SIPA1L3: variants seen among roughly 807,000 people sequenced by gnomAD.
SIPA1L3 encodes the protein signal induced proliferation associated 1 like 3, also known as signal-induced proliferation-associated 1-like protein 3.
A neutral mutation model predicts 150.1 loss-of-function variants in SIPA1L3; 59 were observed. That is an observed-to-expected ratio of 0.39 (90% CI 0.32 to 0.49). The LOEUF is 0.49. SIPA1L3 is among the 20% of genes least tolerant of loss of function. SIPA1L3 has a pLI of 0.86. For synonymous variants in SIPA1L3, 1,070 were observed against 1,077.6 expected, an observed-to-expected ratio of 0.99 and a Z score of 0.14; for missense variants, 2,211 against 2,489.5, an observed-to-expected ratio of 0.89 and a Z score of 2.38.
intron 6 of SIPA1L3, 52 bp from the exon 7 acceptor site, chr19:38,106,485 C>G: frequency 1.6e-6 from 2 of 1,272,800 alleles, no homozygotes; most frequent in Non-Finnish European, 2.3e-6. Flanking sequence ...TGGGATATGG[C>G]AAAAACCCAG....
chr19:38,139,026 T>C (rs1417881562), intron 10 of SIPA1L3, among the ~76,000 whole-genome samples: 1 of 151,406 alleles, frequency 6.6e-6, no homozygotes, highest in Non-Finnish European at 1.5e-5. Context: ...TGAAATGCCA[T>C]CTCTACTAAA....
Position 38,204,186 on chromosome 19 carries a change from A to T in SIPA1L3, c.5180A>T (p.Gln1727Leu), listed in dbSNP as rs1973153522. ...KVYQLEVMLK[Q>L]LHTDLQKEKQ... ...TACCAGCTGGAGGTGATGCTGAAAC[A>T]GCTGCACACTGACCTGCAGAAGGTA... The change falls in exon 21 of 22, where the codon CAG (glutamine) becomes CTG (leucine). Residue 1727 changes from glutamine (Q) to leucine (L), a missense_variant. Gln to Leu is a moderately radical substitution (Grantham distance 113). This residue lies in a region of SIPA1L3 where 63 missense variants were observed against 106.1 expected (regional missense o/e 0.59). Transcript: ENST00000222345. The T allele has an allele frequency of 6.4e-7, 1 of 1,557,696 alleles. No homozygotes were observed. The highest frequency in any genetic ancestry group is 8.7e-7 in the Non-Finnish European group (1 of 1,150,110).
chr19:38,039,245 T>C (rs1331189175), intron 2 of SIPA1L3, among the ~76,000 whole-genome samples: 1 of 152,122 alleles, frequency 6.6e-6, no homozygotes, highest in South Asian at 2.1e-4. Flanking sequence ...AAAGGACCCA[T>C]AATGCCCCAA....
intron 15 of SIPA1L3, 151 bp from the exon 16 acceptor site, chr19:38,182,368 T>C: frequency 1.5e-6 from 1 of 655,278 alleles, no homozygotes; most frequent in Non-Finnish European, 2.7e-6. Flanking sequence ...TAGGCGTCTA[T>C]ACTGTTGGAA....
chr19:37,995,569 G>A (rs1426842149), intron 1 of SIPA1L3, among the ~76,000 whole-genome samples: 2 of 152,188 alleles, frequency 1.3e-5, no homozygotes. Flanking sequence ...CCATCAGGGA[G>A]AACTGTGAAG....
At chr19:38,154,153 T>A (rs560179336) in intron 13 of SIPA1L3, among the ~76,000 whole-genome samples, 1 of 152,322 alleles carries the variant, frequency 6.6e-6, no homozygotes, top group African/African-American at 2.4e-5. Context: ...CTATTTTGTG[T>A]ATGTGTGTCT....
intron 2 of SIPA1L3, among the ~76,000 whole-genome samples, chr19:38,053,542 C>T (rs1969246895): frequency 6.6e-6 from 1 of 151,952 alleles, no homozygotes; most frequent in Non-Finnish European, 1.5e-5. Flanking sequence ...TCTTCACAGT[C>T]ACCCTATGAA....
At chr19:38,004,373 G>C (rs1967884538) in intron 1 of SIPA1L3, among the ~76,000 whole-genome samples, 1 of 152,212 alleles carries the variant, frequency 6.6e-6, no homozygotes, top group Non-Finnish European at 1.5e-5. Context: ...AACTCAAATA[G>C]ACATAAATTT....
At chr19:37,913,046 T>C (rs973306280) in intron 1 of SIPA1L3, among the ~76,000 whole-genome samples, 7 of 152,110 alleles carry the variant, frequency 4.6e-5, no homozygotes, top group African/African-American at 1.7e-4. Flanking sequence ...GGTTGGAAGG[T>C]GGCTTAGGTG....
chr19:38,075,381 G>A (rs112898375), intron 2 of SIPA1L3, among the ~76,000 whole-genome samples: 1 of 152,000 alleles, frequency 6.6e-6, no homozygotes, highest in Non-Finnish European at 1.5e-5. Flanking sequence ...GCTTGAACCC[G>A]GGAGGCGGAG....
chr19:38,028,759 C>A (rs1336751112), intron 1 of SIPA1L3, among the ~76,000 whole-genome samples: 1 of 148,898 alleles, frequency 6.7e-6, no homozygotes, highest in Non-Finnish European at 1.5e-5. Flanking sequence ...GTGGCACAAT[C>A]TTGGCTCATT....
At chr19:38,124,940 G>A (rs1434928529) in intron 9 of SIPA1L3, among the ~76,000 whole-genome samples, 6 of 147,184 alleles carry the variant, frequency 4.1e-5, no homozygotes, top group East Asian at 4.1e-4. Flanking sequence ...GCAGTGAGCC[G>A]AGATGGCAGC....
At position 38,072,477 on chromosome 19, in the gene SIPA1L3, G is replaced by A. The variant is rs191320465; in HGVS notation, c.-310-8779G>A. On this transcript the variant is annotated intron_variant, in intron 2 of 21. Coordinates refer to ENST00000222345, the MANE Select transcript of SIPA1L3 (RefSeq NM_015073.3). ...TGCAGAGACTCAAATGATGACTACA[G>A]CCCCAGATTCTAACTCCCAGTCCCC... is the stretch of plus-strand genomic sequence containing the variant. Among the ~76,000 whole-genome samples the A allele has an allele frequency of 4.5e-3, 679 of 152,332 alleles. 3 individuals are homozygous for A. The highest frequency in any genetic ancestry group is 0.016 in the African/African-American group (649 of 41,576).
intron 1 of SIPA1L3, among the ~76,000 whole-genome samples, chr19:37,953,247 A>T (rs1337444457): frequency 1.3e-5 from 2 of 152,160 alleles, no homozygotes; most frequent in Non-Finnish European, 2.9e-5. Context: ...CCTCTTTGGA[A>T]AAAAACATTC....
intron 1 of SIPA1L3, among the ~76,000 whole-genome samples, chr19:37,962,463 C>CTTTTTTTTGTTT (rs2046867707): frequency 1.4e-5 from 1 of 73,102 alleles, no homozygotes; most frequent in Non-Finnish European, 2.3e-5. Context: ...TGCAGCCGGC[C>CTTTTTTTTGTTT]TTTTTTTTTT....
At chr19:38,194,364 TC>T (rs1330199257) in intron 18 of SIPA1L3, among the ~76,000 whole-genome samples, 2 of 142,700 alleles carry the variant, frequency 1.4e-5, no homozygotes, top group Non-Finnish European at 3.1e-5. Context: ...CTTACCCACC[TC>T]CTAACCCCCC....
intron 12 of SIPA1L3, among the ~76,000 whole-genome samples, chr19:38,152,530 T>G (rs555770308): frequency 6.6e-6 from 1 of 152,290 alleles, no homozygotes; most frequent in African/African-American, 2.4e-5. Flanking sequence ...ACAGGACCCC[T>G]GAGAGGAGCC....
At chr19:37,999,124 C>G (rs1433863519) in intron 1 of SIPA1L3, among the ~76,000 whole-genome samples, 1 of 152,158 alleles carries the variant, frequency 6.6e-6, no homozygotes, top group African/African-American at 2.4e-5. Context: ...TAAATGACCA[C>G]CTTGCAGTTC....
intron 15 of SIPA1L3, among the ~76,000 whole-genome samples, chr19:38,175,823 T>C (rs1972423061): frequency 6.6e-6 from 1 of 152,160 alleles, no homozygotes; most frequent in Non-Finnish European, 1.5e-5. Flanking sequence ...CTGGGTCAGG[T>C]GGACAGCAAA....
Sources: gnomAD v4.1 joint callset for allele counts (sites outside exome capture counted in the v4.1 genomes callset) on GRCh38, gnomAD v4.1.1 for gene constraint, gnomAD v4.1.1 regional missense constraint, MANE v1.5 for transcripts, NCBI Gene and HGNC (gene_info 2026-07-23, HGNC 2026-07-21) for gene names.